MAPK6: variants seen among roughly 807,000 people sequenced by gnomAD.
MAPK6 encodes the protein mitogen-activated protein kinase 6, also known as ERK-3.
Under a neutral mutation model 59.3 loss-of-function variants are expected in MAPK6, and 19 were observed. The observed-to-expected ratio is 0.32, with a 90% CI of 0.22 to 0.47. The LOEUF (loss-of-function observed/expected upper bound fraction) is 0.47, where lower values mean the gene tolerates loss of function less well. Ranked by LOEUF, MAPK6 falls within the 20% of genes least tolerant of loss-of-function variation. MAPK6 has a pLI of 1.00. For synonymous variants in MAPK6, 316 were observed against 290.3 expected (o/e 1.09, Z -0.90); for missense variants, 724 against 847.9 (o/e 0.85, Z 1.81).
chr15:51,996,109 G>A (rs949330460), intron 2 of MAPK6, among the ~76,000 whole-genome samples: 3 of 152,140 alleles, frequency 2.0e-5, no homozygotes, highest in Non-Finnish European at 4.4e-5. Flanking sequence ...CAGAGTTGCT[G>A]TATTATCCAT....
At position 52,065,322 on chromosome 15, in the gene MAPK6, T is replaced by G. The variant is rs1314484321; in HGVS notation, c.*322T>G. The G allele has an allele frequency of 4.8e-6, 1 of 209,592 alleles. No individual in the cohort carries two copies. The highest frequency in any genetic ancestry group is 5.4e-5 in the Admixed American group (1 of 18,378). 13.0% of individuals were successfully genotyped at this position (209,592 alleles called of 1,614,324 possible). ...CAGGAAACAAACCTTGCCTTGAAAT[T>G]TACACAGTGAGACTGTACATAATTG... On this transcript the variant is annotated 3_prime_UTR_variant, in exon 6 of 6. Transcript: ENST00000261845.
In MAPK6 at chr15:52,064,541, A is replaced by G; in HGVS notation, c.1707A>G (p.Ser569=). ...QLELKSLISK[S]VSQEKQEKGM... is the part of the protein sequence containing the mutation. ...AATTGAAAAGTTTGATATCAAAGTC[A>G]GTAAGCCAAGAAAAACAGGAAAAAG... The change falls in exon 6 of 6, where the codon TCA becomes TCG. Residue 569 remains serine, a synonymous_variant. Transcript: ENST00000261845. 6.2e-7 allele frequency: 1 copy of G among 1,611,360 alleles called. No individual in the cohort carries two copies. The highest frequency in any genetic ancestry group is 8.5e-7 in the Non-Finnish European group (1 of 1,179,616).
intron 5 of MAPK6, among the ~76,000 whole-genome samples, chr15:52,063,082 T>A (rs1443689525): frequency 6.6e-6 from 1 of 152,206 alleles, no homozygotes; most frequent in Non-Finnish European, 1.5e-5. Context: ...GTTCTTTTCT[T>A]TTTTGAGACG....
At chr15:51,993,393 G>A (rs186229476) in intron 2 of MAPK6, among the ~76,000 whole-genome samples, 3 of 152,256 alleles carry the variant, frequency 2.0e-5, no homozygotes, top group Non-Finnish European at 2.9e-5. Flanking sequence ...TATACCTTAC[G>A]ATGTCACAGA....
intron 1 of MAPK6, among the ~76,000 whole-genome samples, chr15:51,977,687 CCA>C (rs2141802317): frequency 6.6e-6 from 1 of 151,942 alleles, no homozygotes; most frequent in East Asian, 1.9e-4. Flanking sequence ...CAGGCATGTG[CCA>C]CTGTACCTGG....
chr15:52,036,438 C>T (rs1035832917), intron 1 of MAPK6, among the ~76,000 whole-genome samples: 11 of 152,062 alleles, frequency 7.2e-5, no homozygotes, highest in African/African-American at 2.7e-4. Context: ...ACCATGGTGC[C>T]GGCATCTGGT....
intron 2 of MAPK6, among the ~76,000 whole-genome samples, chr15:51,998,961 A>G (rs1341230524): frequency 6.8e-6 from 1 of 147,890 alleles, no homozygotes; most frequent in Non-Finnish European, 1.5e-5. Flanking sequence ...GAGTGCTGGG[A>G]TTACAGGCAG....
intron 3 of MAPK6, among the ~76,000 whole-genome samples, chr15:52,052,392 T>C (rs1259854327): frequency 1.3e-5 from 2 of 152,252 alleles, no homozygotes; most frequent in Non-Finnish European, 2.9e-5. Context: ...AGTATATCTT[T>C]CTTTAAAAAG....
intron 1 of MAPK6, among the ~76,000 whole-genome samples, chr15:51,982,278 G>A (rs1432364848): frequency 6.6e-6 from 1 of 152,190 alleles, no homozygotes; most frequent in Non-Finnish European, 1.5e-5. Context: ...TATCTCGTCG[G>A]CGGGTGGGGA....
At chr15:52,053,070 G>GTTTTTTTTTTTTT (rs140172832) in intron 3 of MAPK6, among the ~76,000 whole-genome samples, 2 of 125,330 alleles carry the variant, frequency 1.6e-5, no homozygotes, top group Non-Finnish European at 1.7e-5. Flanking sequence ...TCTCATTGTG[G>GTTTTTTTTTTTTT]TTTTTTTTTT....
At chr15:52,021,887 T>G (rs547517752) in intron 1 of MAPK6, among the ~76,000 whole-genome samples, 1 of 152,154 alleles carries the variant, frequency 6.6e-6, no homozygotes, top group South Asian at 2.1e-4. Context: ...TTTTCATGGT[T>G]TTTTTTTAAA....
At chr15:51,982,579 G>T (rs1018718967) in intron 1 of MAPK6, among the ~76,000 whole-genome samples, 2 of 151,992 alleles carry the variant, frequency 1.3e-5, no homozygotes, top group Admixed American at 1.3e-4. Context: ...TGGTGAAGGA[G>T]GTCTTAGATA....
intron 2 of MAPK6, among the ~76,000 whole-genome samples, chr15:51,999,374 A>G (rs755306773): frequency 9.9e-5 from 15 of 152,186 alleles, no homozygotes; most frequent in Non-Finnish European, 2.2e-4. Flanking sequence ...CATTTCCTTA[A>G]TGACCAATCA....
intron 3 of MAPK6, among the ~76,000 whole-genome samples, chr15:52,008,551 A>T (rs1296414911): frequency 1.3e-5 from 2 of 152,330 alleles, no homozygotes; most frequent in African/African-American, 4.8e-5. Context: ...GGAAATAGTG[A>T]ACATACTTAT....
chr15:51,996,104 T>C (rs1340497235), intron 2 of MAPK6, among the ~76,000 whole-genome samples: 1 of 151,812 alleles, frequency 6.6e-6, no homozygotes, highest in Non-Finnish European at 1.5e-5. Flanking sequence ...AAGGACAGAG[T>C]TGCTGTATTA....
At chr15:51,987,023 C>T (rs772022486) in intron 2 of MAPK6, among the ~76,000 whole-genome samples, 1 of 152,108 alleles carries the variant, frequency 6.6e-6, no homozygotes, top group South Asian at 2.1e-4. Context: ...AAAGTATTTA[C>T]AGCATGATTC....
At chr15:51,985,877 G>A (rs1004009130) in intron 2 of MAPK6, among the ~76,000 whole-genome samples, 26 of 151,882 alleles carry the variant, frequency 1.7e-4, no homozygotes, top group African/African-American at 6.3e-4. Context: ...CGAATAGCGT[G>A]AACCCAGGAG....
At chr15:52,024,395 T>A (rs1309503078) in intron 1 of MAPK6, among the ~76,000 whole-genome samples, 4 of 151,390 alleles carry the variant, frequency 2.6e-5, no homozygotes, top group African/African-American at 9.7e-5. Context: ...ATCTACTTTT[T>A]CTTTTTCTTT....
chr15:52,021,186 C>G (rs2030512531), intron 1 of MAPK6, among the ~76,000 whole-genome samples: 1 of 152,104 alleles, frequency 6.6e-6, no homozygotes, highest in African/African-American at 2.4e-5. Context: ...TGTTGCAGTG[C>G]TTTACATAAA....
Sources: allele counts gnomAD v4.1 joint callset (sites outside exome capture counted in the v4.1 genomes callset), GRCh38; gene constraint gnomAD v4.1.1; transcripts MANE v1.5; gene names NCBI Gene and HGNC (gene_info 2026-07-23, HGNC 2026-07-21).